The following RRAGD variants were observed in gnomAD, a reference collection of about 807,000 sequenced individuals.
RRAGD encodes ras-related GTP-binding protein D.
RRAGD carries 12 observed loss-of-function variants against 35.5 expected under a neutral mutation model. The observed-to-expected ratio is 0.34, with a 90% CI of 0.22 to 0.55. RRAGD has a LOEUF of 0.55. Among genes scored for constraint, RRAGD ranks in the 20% least tolerant of loss-of-function variants. RRAGD has a pLI of 0.91. For synonymous variants in RRAGD, 155 were observed against 178.9 expected (o/e 0.87, Z 1.07); for missense variants, 324 against 490.1 (o/e 0.66, Z 3.20).
intron 1 of RRAGD, among the ~76,000 whole-genome samples, chr6:89,391,968 A>AAAT (rs1370983162): frequency 3.3e-5 from 5 of 151,132 alleles, no homozygotes; most frequent in Non-Finnish European, 7.4e-5. Context: ...AAAAAAAAAA[A>AAAT]AAAAAAAATC....
chr6:89,381,662 C>A (rs898118918), intron 2 of RRAGD, among the ~76,000 whole-genome samples: 7 of 152,254 alleles, frequency 4.6e-5, no homozygotes, highest in Middle Eastern at 3.4e-3. Flanking sequence ...CTTTTTCATT[C>A]AACACTATGT....
chr6:89,368,084 G>C lies in RRAGD; in HGVS notation c.1175C>G (p.Pro392Arg), dbSNP rs201249772. ...NRLQKKKRAT[P>R]NGTPRVLL Reference sequence around the variant, plus strand: ...CAGCAGCACTCTAGGGGTCCCATTAGGGGTGGCTCTCTTTTTCTTCTGCAG... The same window carrying C: ...CAGCAGCACTCTAGGGGTCCCATTACGGGTGGCTCTCTTTTTCTTCTGCAG... The change falls in exon 7 of 7, where the codon CCT (proline) becomes CGT (arginine). Residue 392 changes from proline to arginine, a missense_variant. Physicochemically the swap from Pro to Arg is moderately radical, Grantham distance 103. Around this residue, in one of 5 missense-constraint regions of RRAGD, gnomAD observed 68 missense variants for 76.8 expected, o/e 0.89. Coordinates refer to ENST00000369415, the MANE Select transcript of RRAGD (RefSeq NM_021244.5). 3 of 1,613,840 alleles carry C rather than the reference G, an allele frequency of 1.9e-6. No homozygotes were observed. The highest frequency in any genetic ancestry group is 2.5e-6 in the Non-Finnish European group (3 of 1,179,912).
chr6:89,403,967 T>C (rs1769530936), intron 1 of RRAGD, among the ~76,000 whole-genome samples: 1 of 152,208 alleles, frequency 6.6e-6, no homozygotes, highest in South Asian at 2.1e-4. Context: ...AACTTCTTGA[T>C]TTAAATCTTT....
rs115975499 is a variant in RRAGD at position 89,388,149 on chromosome 6, G to A, written c.149-559C>T. Among the ~76,000 whole-genome samples, 972 of 152,318 alleles carry A rather than the reference G, an allele frequency of 6.4e-3. 11 individuals are homozygous for A. Among genetic ancestry groups the A allele is most frequent in the African/African-American group, 0.022 (909 of 41,572 alleles). On this transcript the variant is annotated intron_variant, in intron 1 of 6. Coordinates refer to ENST00000369415, the MANE Select transcript of RRAGD (RefSeq NM_021244.5). ...GATTGTGTTACACAGCAGATGCAAA[G>A]TTTGTGAAAGGCAGACATCTCTCAG...
intron 5 of RRAGD, among the ~76,000 whole-genome samples, chr6:89,377,314 G>A (rs1451055797): frequency 2.0e-5 from 3 of 152,262 alleles, no homozygotes; most frequent in Admixed American, 6.5e-5. Context: ...ACATCGAATA[G>A]TTGAGAATTA....
In RRAGD at chr6:89,365,827, T is replaced by C. The variant is rs1768732779; in HGVS notation, c.*2229A>G. On this transcript the variant is annotated 3_prime_UTR_variant, in exon 7 of 7. Transcript: ENST00000369415. ...TAAATATACCTAAGTAATGTGTGAT[T>C]TACCAAATAGGCTAGTGTCTCTAGC... 6.6e-6 allele frequency: 1 copy of C among 152,210 alleles called. No homozygotes were observed. 9.4% of individuals were successfully genotyped at this position (152,210 alleles called of 1,614,324 possible). A position where few individuals can be genotyped will look rare whatever the true frequency, so the allele number is the denominator to read the frequency against.
In RRAGD at chr6:89,391,453, C is replaced by T. The variant is rs187071373; in HGVS notation, c.149-3863G>A. ...AGGAATAAAGTACCAATTCATGCTACAATATGGATGAACACTGAAAATAAT... is the reference window on the plus strand; with the variant it reads ...AGGAATAAAGTACCAATTCATGCTATAATATGGATGAACACTGAAAATAAT... On this transcript the variant is annotated intron_variant, in intron 1 of 6. Coordinates refer to ENST00000369415, the MANE Select transcript of RRAGD (RefSeq NM_021244.5). Among the ~76,000 whole-genome samples the T allele has an allele frequency of 5.9e-5, 9 of 151,422 alleles. No individual in the cohort carries two copies. The East Asian group carries it at 1.6e-3, about 26-fold the overall frequency.
chr6:89,375,381 T>G (rs1449330485), intron 5 of RRAGD, among the ~76,000 whole-genome samples: 1 of 152,238 alleles, frequency 6.6e-6, no homozygotes, highest in African/African-American at 2.4e-5. Context: ...AAAAACTGTT[T>G]TACTACTCAA....
At chr6:89,396,728 A>ATTTT (rs1160973684) in intron 1 of RRAGD, among the ~76,000 whole-genome samples, 13 of 76,398 alleles carry the variant, frequency 1.7e-4, no homozygotes, top group African/African-American at 4.5e-4. Flanking sequence ...CAATGACCCA[A>ATTTT]TTTTTTTTTT....
chr6:89,401,081 A>T (rs1769451034), intron 1 of RRAGD, among the ~76,000 whole-genome samples: 1 of 152,170 alleles, frequency 6.6e-6, no homozygotes, highest in Non-Finnish European at 1.5e-5. Context: ...TGTTCTAGGC[A>T]CTGAGAGAGG....
chr6:89,401,256 C>T (rs1057341906), intron 1 of RRAGD, among the ~76,000 whole-genome samples: 1 of 146,606 alleles, frequency 6.8e-6, no homozygotes, highest in African/African-American at 2.5e-5. Flanking sequence ...GGCTTCCCCA[C>T]AATATATTTT....
At chr6:89,410,694 C>T (rs1769675530) in intron 1 of RRAGD, among the ~76,000 whole-genome samples, 1 of 152,204 alleles carries the variant, frequency 6.6e-6, no homozygotes, top group East Asian at 1.9e-4. Context: ...ACTTTATTTC[C>T]TTTCTGATTC....
At chr6:89,383,948 C>A (rs1256195164) in intron 2 of RRAGD, among the ~76,000 whole-genome samples, 1 of 151,882 alleles carries the variant, frequency 6.6e-6, no homozygotes, top group Admixed American at 6.6e-5. Context: ...ATTGTGAAAT[C>A]CTGTCTCTAC....
At chr6:89,398,317 G>A (rs926802627) in intron 1 of RRAGD, among the ~76,000 whole-genome samples, 1 of 152,186 alleles carries the variant, frequency 6.6e-6, no homozygotes, top group African/African-American at 2.4e-5. Context: ...TATGTGTTAT[G>A]TCAATTAATT....
At chr6:89,392,319 A>G (rs1044921175) in intron 1 of RRAGD, among the ~76,000 whole-genome samples, 18 of 151,972 alleles carry the variant, frequency 1.2e-4, no homozygotes, top group Admixed American at 3.3e-4. Context: ...TACAAAAAAA[A>G]ATTCTTTTTA....
At chr6:89,392,140 A>T (rs1216924950) in intron 1 of RRAGD, among the ~76,000 whole-genome samples, 1 of 152,058 alleles carries the variant, frequency 6.6e-6, no homozygotes, top group African/African-American at 2.4e-5. Context: ...ACCCAGTATG[A>T]AACTCAAAGA....
At position 89,411,551 on chromosome 6, in the gene RRAGD, G is replaced by T. The variant is rs867573624; in HGVS notation, c.148+295C>A. The T allele has an allele frequency of 4.0e-5, 16 of 398,528 alleles. No homozygotes were observed. Among genetic ancestry groups the T allele is most frequent in the African/African-American group, 3.2e-4 (15 of 46,900 alleles). 24.7% of individuals were successfully genotyped at this position (398,528 alleles called of 1,614,324 possible). On this transcript the variant is annotated intron_variant, in intron 1 of 6. Coordinates refer to ENST00000369415, the MANE Select transcript of RRAGD (RefSeq NM_021244.5). The surrounding 1 kb of genome is among the most constrained non-coding windows in gnomAD (Gnocchi z 5.6). Reference sequence around the variant, plus strand: ...GCGGAGAGCTTGGGGTGAGGGGCGCGGGAGGCACCGGCTCTGAAAGGGGCA... The same window carrying T: ...GCGGAGAGCTTGGGGTGAGGGGCGCTGGAGGCACCGGCTCTGAAAGGGGCA...
At position 89,379,290 on chromosome 6, in the gene RRAGD, G is replaced by A. The variant is rs778081535; in HGVS notation, c.693C>T (p.Ser231=). ...GTGGAATCAGTTTCTGAACAACTTT[G>A]CTAAAAGCTTCAAATATTGAATGAT... ...IYDHSIFEAF[S]KVVQKLIPQL... is the part of the protein sequence containing the mutation. Residue 231 remains serine (S), a synonymous_variant, in exon 4 of 7, where the codon AGC becomes AGT. Coordinates refer to ENST00000369415, the MANE Select transcript of RRAGD (RefSeq NM_021244.5). 1.9e-5 allele frequency: 30 copies of A among 1,602,980 alleles called. No homozygotes were observed. The highest frequency in any genetic ancestry group is 3.4e-5 in the Admixed American group (2 of 58,800).
intron 5 of RRAGD, among the ~76,000 whole-genome samples, chr6:89,374,005 A>C (rs1039153325): frequency 6.6e-6 from 1 of 152,138 alleles, no homozygotes; most frequent in African/African-American, 2.4e-5. Flanking sequence ...ACTGTACATA[A>C]ATTTTCTGAT....
Sources: gnomAD v4.1 joint callset for allele counts (sites outside exome capture counted in the v4.1 genomes callset) on GRCh38, gnomAD v4.1.1 for gene constraint, gnomAD v4.1.1 regional missense constraint, Gnocchi (gnomAD v3.1) non-coding constraint, MANE v1.5 for transcripts, NCBI Gene and HGNC (gene_info 2026-07-23, HGNC 2026-07-21) for gene names.